Variants in MPRIP observed in about 807,000 individuals in gnomAD.
MPRIP encodes the protein myosin phosphatase Rho interacting protein, also known as myosin phosphatase Rho-interacting protein.
A neutral mutation model predicts 234.9 loss-of-function variants in MPRIP; 59 were observed. The observed-to-expected ratio is 0.25, with a 90% CI of 0.20 to 0.31. The LOEUF is 0.31. MPRIP is among the 10% of genes least tolerant of loss of function. The pLI is 1.00. For missense variants in MPRIP, 2,436 were observed against 3,071.0 expected, an observed-to-expected ratio of 0.79 and a Z score of 4.89; for synonymous variants, 1,144 against 1,263.9, an observed-to-expected ratio of 0.91 and a Z score of 2.01.
At chr17:17,132,753 G>A (rs1567737072) in intron 5 of MPRIP, among the ~76,000 whole-genome samples, 1 of 151,926 alleles carries the variant, frequency 6.6e-6, no homozygotes, top group African/African-American at 2.4e-5. Context: ...GGGTCAGGGA[G>A]GCAGGTGGGG....
rs557966444 is a variant in MPRIP at position 17,133,480 on chromosome 17, A to G, written c.504+1779A>G. ...GATGCTAAAGGCATTCTCATGGCCT[A>G]GGGTGGGGCTGGGGGTAAACCTCAC... On this transcript the variant is annotated intron_variant, in intron 5 of 23. Transcript: ENST00000651222. Among the ~76,000 whole-genome samples the G allele has an allele frequency of 1.1e-3, 164 of 152,294 alleles. No individual in the cohort carries two copies. In the South Asian group the frequency reaches 0.033, roughly 31 times the overall value.
Position 17,138,327 on chromosome 17 carries a change from A to G in MPRIP, c.1148A>G (p.His383Arg), listed in dbSNP as rs2090747359. ...GTCCCTAAGGCCATCAGGATCAGCC[A>G]CCGAGAAGCCTTCCAGGTGGAGAGA... ...ADVPKAIRIS[H>R]REAFQVERRR... The change falls in exon 7 of 24, where the codon CAC becomes CGC. Residue 383 changes from histidine (H) to arginine (R), a missense_variant. Around this residue, in one of 4 missense-constraint regions of MPRIP, gnomAD observed 267 missense variants for 252.7 expected, o/e 1.06. Coordinates refer to ENST00000651222, the MANE Select transcript of MPRIP (RefSeq NM_001364716.4). This position sits in a 1 kb window ranked among gnomAD's most constrained non-coding sequence, Gnocchi z 5.8. 7.9e-6 allele frequency: 3 copies of G among 379,916 alleles called. No homozygotes were observed. Among genetic ancestry groups the G allele is most frequent in the Non-Finnish European group, 1.4e-5 (3 of 213,556 alleles). The allele number at this position is 379,916 out of a possible 1,614,324, so 23.5% of individuals were successfully genotyped here.
intron 16 of MPRIP, chr17:17,170,329 C>T (rs978255394): frequency 1.3e-5 from 2 of 152,086 alleles, no homozygotes; most frequent in Non-Finnish European, 2.9e-5. Flanking sequence ...TCCAGAGCTC[C>T]GAGCTCCTGC....
intron 3 of MPRIP, among the ~76,000 whole-genome samples, chr17:17,123,729 GAAAA>G (rs1234476279): frequency 3.5e-5 from 5 of 141,462 alleles, no homozygotes; most frequent in African/African-American, 7.9e-5. Context: ...AAAAAAGAAA[GAAAA>G]AACGAAAAGT....
Position 17,167,741 on chromosome 17 carries a change from C to A in MPRIP, c.6150C>A (p.Ala2050=), listed in dbSNP as rs530466722. The A allele has an allele frequency of 3.9e-5, 51 of 1,304,198 alleles. No individual in the cohort carries two copies. Among genetic ancestry groups the A allele is most frequent in the Non-Finnish European group, 5.2e-5 (51 of 988,952 alleles). 80.8% of individuals were successfully genotyped at this position (1,304,198 alleles called of 1,614,324 possible). ...GPHPKALPAP[A]PNWQATQGEA... ...ACCCCAAGGCCCTGCCAGCCCCTGC[C>A]CCCAACTGGCAGGCCACCCAGGGAG... The change falls in exon 16 of 24, where the codon GCC becomes GCA. Residue 2050 remains alanine (A), a synonymous_variant. Coordinates refer to ENST00000651222, the MANE Select transcript of MPRIP (RefSeq NM_001364716.4). The surrounding 1 kb of genome is among the most constrained non-coding windows in gnomAD (Gnocchi z 5.9).
intron 8 of MPRIP, 101 bp from the exon 9 acceptor site, chr17:17,143,455 A>G: frequency 1.4e-6 from 1 of 689,986 alleles, no homozygotes; most frequent in Non-Finnish European, 2.3e-6. Flanking sequence ...CGCCAGGAGC[A>G]AGGCCCTGGC....
At chr17:17,149,007 C>T (rs1245266254) in intron 11 of MPRIP, among the ~76,000 whole-genome samples, 2 of 152,066 alleles carry the variant, frequency 1.3e-5, no homozygotes, top group Non-Finnish European at 2.9e-5. Context: ...AATGTGTAGA[C>T]AATTGGAAGC....
At chr17:17,105,470 A>G (rs2090045577) in intron 3 of MPRIP, among the ~76,000 whole-genome samples, 1 of 152,126 alleles carries the variant, frequency 6.6e-6, no homozygotes, top group Non-Finnish European at 1.5e-5. Flanking sequence ...CTGGGGCAGT[A>G]CTGTTCTCGC....
intron 1 of MPRIP, among the ~76,000 whole-genome samples, chr17:17,060,228 T>A (rs2088829149): frequency 6.6e-6 from 1 of 152,158 alleles, no homozygotes; most frequent in African/African-American, 2.4e-5. Context: ...CAATGTGCTT[T>A]GGGGCCCCAC....
chr17:17,144,288 G>A (rs953481671), intron 9 of MPRIP, among the ~76,000 whole-genome samples: 1 of 152,232 alleles, frequency 6.6e-6, no homozygotes, highest in Non-Finnish European at 1.5e-5. Flanking sequence ...ATGGGCCTCC[G>A]GCCTGCCCCA....
intron 10 of MPRIP, among the ~76,000 whole-genome samples, chr17:17,146,893 TAGG>T (rs1228632256): frequency 6.6e-6 from 1 of 152,252 alleles, no homozygotes; most frequent in African/African-American, 2.4e-5. Flanking sequence ...CCCTGCTGGT[TAGG>T]AGGCCACATG....
intron 1 of MPRIP, among the ~76,000 whole-genome samples, chr17:17,057,080 G>A (rs2088722563): frequency 6.6e-6 from 1 of 152,238 alleles, no homozygotes; most frequent in African/African-American, 2.4e-5. Context: ...GACCCCAGGA[G>A]AGGACTTGCT....
At chr17:17,151,192 G>A (rs922288067) in intron 12 of MPRIP, among the ~76,000 whole-genome samples, 8 of 152,102 alleles carry the variant, frequency 5.3e-5, no homozygotes, top group African/African-American at 1.7e-4. Context: ...TCTGACACCA[G>A]TTGTGAGTCC....
chr17:17,075,820 A>G, intron 2 of MPRIP, 33 bp downstream of exon 2: 1 of 1,602,614 alleles, frequency 6.2e-7, no homozygotes, highest in Admixed American at 1.7e-5. Flanking sequence ...TCAGGGAGGA[A>G]CCAGAGAAGG....
chr17:17,050,997 G>A (rs747524301), intron 1 of MPRIP, among the ~76,000 whole-genome samples: 40 of 152,328 alleles, frequency 2.6e-4, no homozygotes, highest in Non-Finnish European at 4.3e-4. Context: ...ATAGTCCAAG[G>A]CCTATGTTCT....
chr17:17,082,381 C>T (rs1384272097), intron 3 of MPRIP, among the ~76,000 whole-genome samples: 8 of 148,690 alleles, frequency 5.4e-5, no homozygotes, highest in Non-Finnish European at 1.0e-4. Flanking sequence ...CAGCAACCTC[C>T]GACTCCCAGG....
At chr17:17,053,005 G>C (rs1486390487) in intron 1 of MPRIP, among the ~76,000 whole-genome samples, 2 of 152,042 alleles carry the variant, frequency 1.3e-5, no homozygotes, top group Non-Finnish European at 2.9e-5. Context: ...CCCCAGCTGA[G>C]CCAGAGAAAG....
chr17:17,045,487 C>G (rs181506166), intron 1 of MPRIP, among the ~76,000 whole-genome samples: 80 of 152,268 alleles, frequency 5.3e-4, no homozygotes, highest in African/African-American at 1.8e-3. Context: ...AAGTGACTTG[C>G]CCAGTTCAGG....
At position 17,186,794 on chromosome 17, in the gene MPRIP, C is replaced by T. The variant is rs556658808; in HGVS notation, c.*1900C>T. On this transcript the variant is annotated 3_prime_UTR_variant, in exon 24 of 24. Coordinates refer to ENST00000651222, the MANE Select transcript of MPRIP (RefSeq NM_001364716.4). The stretch of plus-strand genomic sequence containing the variant: ...CTTTGAGAAATGCACTATGACCTTT[C>T]TGTGTCAATGGGAATATACAGAAGG... 6.6e-6 allele frequency: 1 copy of T among 152,272 alleles called. No individual in the cohort carries two copies. 9.4% of individuals were successfully genotyped at this position (152,272 alleles called of 1,614,324 possible). A position where few individuals can be genotyped will look rare whatever the true frequency, so the allele number is the denominator to read the frequency against.
Sources: gnomAD v4.1 joint callset for allele counts (sites outside exome capture counted in the v4.1 genomes callset) on GRCh38, gnomAD v4.1.1 for gene constraint, gnomAD v4.1.1 regional missense constraint, Gnocchi (gnomAD v3.1) non-coding constraint, MANE v1.5 for transcripts, NCBI Gene and HGNC (gene_info 2026-07-23, HGNC 2026-07-21) for gene names.